MPDZ: variants seen among roughly 807,000 people sequenced by gnomAD.
The protein encoded by MPDZ is multiple PDZ domain crumbs cell polarity complex component, also known as multiple PDZ domain protein.
Under a neutral mutation model 239.1 loss-of-function variants are expected in MPDZ, and 234 were observed. That is an observed-to-expected ratio of 0.98 (90% CI 0.88 to 1.09). MPDZ has a LOEUF of 1.09. Among genes scored for constraint, MPDZ ranks in the 50% least tolerant of loss-of-function variants. MPDZ has a pLI of 0.00. For missense variants in MPDZ, 3,175 were observed against 2,510.0 expected, an observed-to-expected ratio of 1.26 and a Z score of -5.66; for synonymous variants, 1,048 against 881.3, an observed-to-expected ratio of 1.19 and a Z score of -3.35.
chr9:13,152,614 G>T (rs931199282), intron 24 of MPDZ, among the ~76,000 whole-genome samples: 1 of 151,910 alleles, frequency 6.6e-6, no homozygotes, highest in East Asian at 1.9e-4. Context: ...CAGTCTCGGG[G>T]TACGTCTATA....
chr9:13,198,901 T>A (rs931691234), intron 12 of MPDZ, among the ~76,000 whole-genome samples: 6 of 151,826 alleles, frequency 4.0e-5, no homozygotes, highest in Admixed American at 2.0e-4. Flanking sequence ...ACATGTGAAT[T>A]TTAGGGTTGT....
At chr9:13,185,352 ACT>A (rs1275611847) in intron 18 of MPDZ, among the ~76,000 whole-genome samples, 2 of 152,080 alleles carry the variant, frequency 1.3e-5, no homozygotes, top group Admixed American at 6.6e-5. Context: ...GAAATAATTC[ACT>A]CTGTTTTAAA....
intron 10 of MPDZ, among the ~76,000 whole-genome samples, chr9:13,214,787 T>TA (rs1208830798): frequency 1.3e-5 from 2 of 152,002 alleles, no homozygotes; most frequent in Non-Finnish European, 2.9e-5. Flanking sequence ...AAAATGGAGA[T>TA]ACACAGAGAA....
chr9:13,193,231 G>C lies in MPDZ; in HGVS notation c.1739C>G (p.Ser580Cys), dbSNP rs149265684. ...EATVGHHFIR[S>C]VLPEGPVGHS... ...TCCAACAGGACCCTCTGGTAGAACA[G>C]ATCGGATAAAATGATGTCCCACTGT... Residue 580 changes from serine (S) to cysteine (C), a missense_variant, in exon 14 of 47, where the codon TCT becomes TGT. Coordinates refer to ENST00000319217, the MANE Select transcript of MPDZ (RefSeq NM_001378778.1). 3.7e-4 allele frequency: 604 copies of C among 1,612,224 alleles called. No homozygotes were observed. The highest frequency in any genetic ancestry group is 4.9e-4 in the Non-Finnish European group (582 of 1,178,896).
intron 16 of MPDZ, 41 bp downstream of exon 16, chr9:13,190,073 C>T (rs1252460282): frequency 1.3e-6 from 2 of 1,548,620 alleles, no homozygotes; most frequent in South Asian, 1.2e-5. Flanking sequence ...TTGATAGCAA[C>T]AATAGGCCTT....
rs139829341 is a variant in MPDZ, at chr9:13,190,107, T to C, written c.2154+7A>G. 202 of 1,609,024 alleles carry C rather than the reference T, an allele frequency of 1.3e-4. No homozygotes were observed. The African/African-American group carries it at 2.5e-3, about 20-fold the overall frequency. On this transcript the variant is annotated splice_region_variant and intron_variant, in intron 16 of 46. Coordinates refer to ENST00000319217, the MANE Select transcript of MPDZ (RefSeq NM_001378778.1). ...TTTAAAAATTGTTAAAAGTAGTATATACTTACCTGATAATCTAAAATGCTA... is the reference window on the plus strand; with the variant it reads ...TTTAAAAATTGTTAAAAGTAGTATACACTTACCTGATAATCTAAAATGCTA...
At chr9:13,169,359 G>A (rs1951493481) in intron 21 of MPDZ, among the ~76,000 whole-genome samples, 1 of 151,366 alleles carries the variant, frequency 6.6e-6, no homozygotes, top group African/African-American at 2.4e-5. Flanking sequence ...TCCCTTTTTT[G>A]GTAAATTGCA....
intron 30 of MPDZ, 102 bp downstream of exon 30, chr9:13,136,610 G>C: frequency 2.5e-6 from 2 of 805,232 alleles, no homozygotes; most frequent in Non-Finnish European, 4.1e-6. Context: ...ACAGGCATGA[G>C]CCAGCATGCC....
intron 17 of MPDZ, 97 bp from the exon 18 acceptor site, chr9:13,186,483 G>A (rs573551854): frequency 7.9e-5 from 64 of 805,738 alleles, no homozygotes; most frequent in Middle Eastern, 5.1e-4. Flanking sequence ...TGAGGGGGGC[G>A]AGAAGAGAAA....
intron 36 of MPDZ, among the ~76,000 whole-genome samples, chr9:13,122,777 AAAGT>A (rs1563844332): frequency 2.4e-4 from 37 of 152,230 alleles, no homozygotes; most frequent in Non-Finnish European, 4.3e-4. Flanking sequence ...TCAGCCTCCT[AAAGT>A]GCTGGGATTA....
At chr9:13,191,839 G>C (rs540635111) in intron 15 of MPDZ, among the ~76,000 whole-genome samples, 1 of 152,202 alleles carries the variant, frequency 6.6e-6, no homozygotes, top group East Asian at 1.9e-4. Flanking sequence ...CATCTAACAT[G>C]ATTACATAAC....
At chr9:13,206,619 T>C (rs1587790099) in intron 10 of MPDZ, among the ~76,000 whole-genome samples, 2 of 151,812 alleles carry the variant, frequency 1.3e-5, no homozygotes, top group African/African-American at 4.8e-5. Context: ...TCTCGGCTCA[T>C]TGCAACCTCC....
intron 1 of MPDZ, among the ~76,000 whole-genome samples, chr9:13,263,192 T>C (rs1270369016): frequency 6.6e-6 from 1 of 152,140 alleles, no homozygotes; most frequent in Admixed American, 6.5e-5. Context: ...GAAACAAGAC[T>C]GACCATGAAC....
chr9:13,206,837 C>T (rs1039585593), intron 10 of MPDZ, among the ~76,000 whole-genome samples: 10 of 152,058 alleles, frequency 6.6e-5, no homozygotes, highest in Non-Finnish European at 1.3e-4. Flanking sequence ...CCACTGCACC[C>T]GGCCTACTTT....
intron 1 of MPDZ, among the ~76,000 whole-genome samples, chr9:13,272,140 G>T (rs75037787): frequency 6.6e-6 from 1 of 152,022 alleles, no homozygotes; most frequent in African/African-American, 2.4e-5. Context: ...TGTCAATTAT[G>T]ACTTATACCA....
At chr9:13,238,162 C>CT (rs1964548054) in intron 3 of MPDZ, among the ~76,000 whole-genome samples, 1 of 152,310 alleles carries the variant, frequency 6.6e-6, no homozygotes, top group Admixed American at 6.5e-5. Context: ...AACAACCAAG[C>CT]TGTAAGCTTG....
chr9:13,198,792 C>T (rs565917663), intron 12 of MPDZ, among the ~76,000 whole-genome samples: 4 of 60,702 alleles, frequency 6.6e-5, no homozygotes, highest in Admixed American at 1.9e-4. Flanking sequence ...TGTTTTAGGA[C>T]AGGCCTTTGT....
At chr9:13,227,888 T>TTATTTA (rs748385824) in intron 3 of MPDZ, among the ~76,000 whole-genome samples, 21 of 152,118 alleles carry the variant, frequency 1.4e-4, no homozygotes, top group Non-Finnish European at 2.6e-4. Flanking sequence ...TACAAAAGTC[T>TTATTTA]TATTTATAAA....
intron 38 of MPDZ, chr9:13,120,030 A>G (rs1187252710): frequency 5.2e-6 from 1 of 192,820 alleles, no homozygotes; most frequent in African/African-American, 2.4e-5. Context: ...AGCTTTGAAT[A>G]ATATTAACTT....
Sources: gnomAD v4.1 joint callset for allele counts (sites outside exome capture counted in the v4.1 genomes callset) on GRCh38, gnomAD v4.1.1 for gene constraint, MANE v1.5 for transcripts, NCBI Gene and HGNC (gene_info 2026-07-23, HGNC 2026-07-21) for gene names.